Variants in HOGA1 observed in about 807,000 individuals in gnomAD.
HOGA1 encodes the protein 4-hydroxy-2-oxoglutarate aldolase, mitochondrial.
A neutral mutation model predicts 34.3 loss-of-function variants in HOGA1; 30 were observed. The ratio of observed to expected loss-of-function variants is 0.87; its 90% confidence interval spans 0.65 to 1.19. HOGA1 has a LOEUF of 1.19. Ranked by LOEUF, HOGA1 falls within the 50% of genes most tolerant of loss-of-function variation. The pLI, the probability that HOGA1 is intolerant of heterozygous loss-of-function variation, is 0.00. For synonymous variants in HOGA1, 161 were observed against 174.0 expected (o/e 0.93, Z 0.59); for missense variants, 417 against 436.5 (o/e 0.96, Z 0.40).
At chr10:97,601,758 G>A in intron 5 of HOGA1, 99 bp from the exon 6 acceptor site, 2 of 1,407,502 alleles carry the variant, frequency 1.4e-6, no homozygotes, top group Non-Finnish European at 2.0e-6. Flanking sequence ...ATAGAAATCT[G>A]TATCTAATGT....
At chr10:97,588,082 G>A (rs1207596594) in intron 1 of HOGA1, among the ~76,000 whole-genome samples, 1 of 152,146 alleles carries the variant, frequency 6.6e-6, no homozygotes, top group Non-Finnish European at 1.5e-5. Context: ...AAAATGCTGG[G>A]ATTACAGGCA....
intron 5 of HOGA1, chr10:97,600,486 C>T (rs1476462575): frequency 2.4e-6 from 1 of 423,926 alleles, no homozygotes; most frequent in Non-Finnish European, 4.4e-6. Context: ...ACATCATTCT[C>T]TGAGGGCAGA....
Position 97,611,777 on chromosome 10 carries a change from C to T in HOGA1, c.*118C>T. On this transcript the variant is annotated 3_prime_UTR_variant, in exon 7 of 7. Coordinates refer to ENST00000370646, the MANE Select transcript of HOGA1 (RefSeq NM_138413.4). ...GCAGGCAGCGGGGAGCCGATAGAGG[C>T]TCCTTTGCCTGCTGTGGTCCTCCAG... is the stretch of plus-strand genomic sequence containing the variant. 1 of 1,255,946 alleles carries T rather than the reference C, an allele frequency of 8.0e-7. No homozygotes were observed. Among genetic ancestry groups the T allele is most frequent in the Non-Finnish European group, 1.1e-6 (1 of 898,266 alleles). 77.8% of individuals were successfully genotyped at this position (1,255,946 alleles called of 1,614,324 possible). A position where few individuals can be genotyped will look rare whatever the true frequency, so the allele number is the denominator to read the frequency against.
chr10:97,606,762 A>G (rs1168088116), intron 6 of HOGA1, among the ~76,000 whole-genome samples: 1 of 152,160 alleles, frequency 6.6e-6, no homozygotes, highest in African/African-American at 2.4e-5. Flanking sequence ...TTTTACAAGA[A>G]TCTTGTTTAT....
intron 6 of HOGA1, among the ~76,000 whole-genome samples, chr10:97,605,271 G>A (rs1321636441): frequency 6.6e-6 from 1 of 151,872 alleles, no homozygotes; most frequent in Non-Finnish European, 1.5e-5. Flanking sequence ...AGATAGATGC[G>A]GTGGCATGCA....
At chr10:97,590,415 A>G (rs1476573495) in intron 1 of HOGA1, 1 of 1,614,020 alleles carries the variant, frequency 6.2e-7, no homozygotes, top group African/African-American at 1.3e-5. Context: ...GCCCTCGAGG[A>G]GGTAGAGATG....
intron 1 of HOGA1, chr10:97,590,243 G>A (rs368370225): frequency 1.2e-6 from 2 of 1,613,674 alleles, no homozygotes; most frequent in African/African-American, 1.3e-5. Context: ...GTCTGGAAAA[G>A]CCCCATCCAC....
chr10:97,604,225 T>G (rs1441921672), intron 6 of HOGA1, among the ~76,000 whole-genome samples: 2 of 152,250 alleles, frequency 1.3e-5, no homozygotes, highest in African/African-American at 4.8e-5. Flanking sequence ...AGCATAATTC[T>G]CTGGATATTC....
At chr10:97,599,413 A>G (rs1472293687) in intron 3 of HOGA1, 197 bp downstream of exon 3, 1 of 724,944 alleles carries the variant, frequency 1.4e-6, no homozygotes, top group Non-Finnish European at 2.3e-6. Context: ...AATTGGAGGA[A>G]TGATGTCATC....
rs148944512 is a variant in HOGA1, at chr10:97,590,559, G to A, written c.211+5645G>A. On this transcript the variant is annotated intron_variant, in intron 1 of 6. Coordinates refer to ENST00000370646, the MANE Select transcript of HOGA1 (RefSeq NM_138413.4). ...CACCAGAGCCACAGCCTGCCTAATC[G>A]CAGACACTAGATCTGTGACTTCTTG... 2.6e-4 allele frequency: 425 copies of A among 1,611,134 alleles called. 3 individuals are homozygous for A. The highest frequency in any genetic ancestry group is 1.0e-3 in the Middle Eastern group (5 of 4,820).
At chr10:97,592,390 G>C (rs562095322) in intron 1 of HOGA1, among the ~76,000 whole-genome samples, 1 of 151,242 alleles carries the variant, frequency 6.6e-6, no homozygotes, top group South Asian at 2.1e-4. Context: ...ACAGGCGCCC[G>C]CCACCACGCC....
intron 1 of HOGA1, among the ~76,000 whole-genome samples, chr10:97,594,150 T>C (rs2041050331): frequency 6.8e-6 from 1 of 146,336 alleles, no homozygotes; most frequent in Non-Finnish European, 1.5e-5. Flanking sequence ...ATTACAGGCA[T>C]GAGCCACTGC....
In HOGA1 at chr10:97,612,752, T is replaced by C. The variant is rs2041207553; in HGVS notation, c.*1093T>C. 1 of 152,246 alleles carries C rather than the reference T, an allele frequency of 6.6e-6. No individual in the cohort carries two copies. Among genetic ancestry groups the C allele is most frequent in the African/African-American group, 2.4e-5 (1 of 41,458 alleles). 9.4% of individuals were successfully genotyped at this position (152,246 alleles called of 1,614,324 possible). On this transcript the variant is annotated 3_prime_UTR_variant, in exon 7 of 7. Transcript: ENST00000370646. ...CACTTGCCTACAGGCACTCTGCTTTTATTATTAAAAATAGTCACTTTGTTA... is the reference window on the plus strand; with the variant it reads ...CACTTGCCTACAGGCACTCTGCTTTCATTATTAAAAATAGTCACTTTGTTA...
intron 1 of HOGA1, chr10:97,589,677 G>A: frequency 1.8e-6 from 1 of 543,946 alleles, no homozygotes; most frequent in East Asian, 3.0e-5. Flanking sequence ...TTGTTGAGGT[G>A]GTGGGGGGCA....
intron 1 of HOGA1, among the ~76,000 whole-genome samples, chr10:97,593,575 A>T (rs780470169): frequency 1.1e-4 from 16 of 152,232 alleles, no homozygotes; most frequent in Non-Finnish European, 2.1e-4. Flanking sequence ...GAGGTTATGA[A>T]TTATGTCATG....
intron 5 of HOGA1, 116 bp downstream of exon 5, chr10:97,600,279 G>A: frequency 1.1e-6 from 1 of 872,886 alleles, no homozygotes; most frequent in South Asian, 1.3e-5. Flanking sequence ...TAGTTTGCCA[G>A]CCTGCCCACT....
At chr10:97,605,734 C>A (rs537037936) in intron 6 of HOGA1, among the ~76,000 whole-genome samples, 2 of 152,138 alleles carry the variant, frequency 1.3e-5, no homozygotes, top group African/African-American at 4.8e-5. Flanking sequence ...ATCTGTATAT[C>A]CTTTTCAGTC....
chr10:97,586,279 C>T (rs1028371280), intron 1 of HOGA1, among the ~76,000 whole-genome samples: 4 of 152,100 alleles, frequency 2.6e-5, no homozygotes, highest in South Asian at 4.1e-4. Flanking sequence ...CAAGTGAAAT[C>T]GTGCTATAAA....
intron 1 of HOGA1, among the ~76,000 whole-genome samples, chr10:97,592,790 A>G (rs1459544567): frequency 6.6e-6 from 1 of 151,742 alleles, no homozygotes; most frequent in African/African-American, 2.4e-5. Context: ...GCACTTTGGG[A>G]GGCCGAGATG....
Sources: gnomAD v4.1 joint callset for allele counts (sites outside exome capture counted in the v4.1 genomes callset) on GRCh38, gnomAD v4.1.1 for gene constraint, MANE v1.5 for transcripts, NCBI Gene and HGNC (gene_info 2026-07-23, HGNC 2026-07-21) for gene names.